The following MYT1L variants were observed in gnomAD, a reference collection of about 807,000 sequenced individuals.
MYT1L encodes the protein myelin transcription factor 1-like protein.
Under a neutral mutation model 126.7 loss-of-function variants are expected in MYT1L, and 12 were observed. The ratio of observed to expected loss-of-function variants is 0.09; its 90% CI spans 0.06 to 0.15. The LOEUF is 0.15. Ranked by LOEUF, MYT1L falls within the 10% of genes least tolerant of loss-of-function variation. The probability of loss-of-function intolerance (pLI) is 1.00; values close to 1 mark genes in which losing one functional copy is unlikely to be tolerated. For synonymous variants in MYT1L, 541 were observed against 604.2 expected, an observed-to-expected ratio of 0.90 and a Z score of 1.53; for missense variants, 979 against 1,585.2, an observed-to-expected ratio of 0.62 and a Z score of 6.49.
chr2:1,836,571 GC>G (rs2040924504), intron 21 of MYT1L, among the ~76,000 whole-genome samples: 1 of 143,918 alleles, frequency 6.9e-6, no homozygotes, highest in Non-Finnish European at 1.5e-5. Context: ...AATTCTATCA[GC>G]CCGCCCCCAA....
intron 8 of MYT1L, among the ~76,000 whole-genome samples, chr2:1,948,099 C>A (rs1159187386): frequency 1.3e-5 from 2 of 152,196 alleles, no homozygotes; most frequent in African/African-American, 4.8e-5. Flanking sequence ...ATTCCCTTCC[C>A]GTGGTGGGAA....
chr2:2,103,602 A>C (rs1402976962), intron 3 of MYT1L, among the ~76,000 whole-genome samples: 3 of 152,078 alleles, frequency 2.0e-5, no homozygotes, highest in Non-Finnish European at 4.4e-5. Context: ...CCAGCATCCC[A>C]GCACAGCCCT....
intron 19 of MYT1L, among the ~76,000 whole-genome samples, chr2:1,851,080 C>T (rs1433700837): frequency 6.6e-6 from 1 of 152,130 alleles, no homozygotes; most frequent in Non-Finnish European, 1.5e-5. Flanking sequence ...CCAGTAGTTA[C>T]TGAATGTCAA....
chr2:1,906,534 C>T (rs1208977169), intron 13 of MYT1L, among the ~76,000 whole-genome samples: 1 of 151,998 alleles, frequency 6.6e-6, no homozygotes, highest in Non-Finnish European at 1.5e-5. Flanking sequence ...AGACTGATAG[C>T]CATATCTATA....
chr2:1,878,464 T>C (rs1336835676), intron 18 of MYT1L, among the ~76,000 whole-genome samples: 1 of 152,246 alleles, frequency 6.6e-6, no homozygotes, highest in African/African-American at 2.4e-5. Context: ...AGAATTAAGA[T>C]AATTTCTCTT....
chr2:2,024,576 T>A (rs1167486927), intron 4 of MYT1L, among the ~76,000 whole-genome samples: 1 of 152,212 alleles, frequency 6.6e-6, no homozygotes, highest in African/African-American at 2.4e-5. Flanking sequence ...TGTAGGAATT[T>A]AACTTCTACC....
At chr2:1,969,573 G>A (rs900417927) in intron 8 of MYT1L, among the ~76,000 whole-genome samples, 3 of 152,188 alleles carry the variant, frequency 2.0e-5, no homozygotes, top group South Asian at 2.1e-4. Flanking sequence ...GGGGAACCCC[G>A]GCTCTAGGAA....
intron 15 of MYT1L, 138 bp downstream of exon 15, chr2:1,891,899 C>T: frequency 7.2e-7 from 1 of 1,392,032 alleles, no homozygotes. Context: ...TAATTGTTCA[C>T]AGTGGCGAGA....
intron 21 of MYT1L, among the ~76,000 whole-genome samples, chr2:1,836,666 T>G (rs1236659226): frequency 2.1e-5 from 3 of 145,570 alleles, no homozygotes; most frequent in Non-Finnish European, 3.0e-5. Context: ...CATCAGCCTG[T>G]ACCCCAAGAT....
chr2:2,207,637 C>T (rs2148877523), intron 2 of MYT1L, among the ~76,000 whole-genome samples: 1 of 152,310 alleles, frequency 6.6e-6, no homozygotes, highest in Admixed American at 6.5e-5. Context: ...TGATAACTAA[C>T]TGTTGACAAT....
chr2:1,966,487 G>A (rs771685924), intron 8 of MYT1L, among the ~76,000 whole-genome samples: 1 of 152,134 alleles, frequency 6.6e-6, no homozygotes, highest in Admixed American at 6.5e-5. Flanking sequence ...CCTGGAGAGA[G>A]GCTCTTCTGG....
chr2:2,044,006 G>C (rs74420703), intron 4 of MYT1L, among the ~76,000 whole-genome samples: 8,183 of 152,172 alleles, frequency 0.054, 292 homozygotes, highest in East Asian at 0.2. Context: ...AGTAAGGAGA[G>C]AGTTCAAAAG....
At chr2:1,976,603 C>T (rs2060205031) in intron 8 of MYT1L, among the ~76,000 whole-genome samples, 1 of 152,156 alleles carries the variant, frequency 6.6e-6, no homozygotes, top group African/African-American at 2.4e-5. Flanking sequence ...GATTGTGCCA[C>T]TGCACTCCAG....
At chr2:2,078,854 C>A (rs1254432800) in intron 3 of MYT1L, among the ~76,000 whole-genome samples, 3 of 152,164 alleles carry the variant, frequency 2.0e-5, no homozygotes, top group African/African-American at 4.8e-5. Context: ...CATATGAATT[C>A]TATGATTTAA....
intron 1 of MYT1L, among the ~76,000 whole-genome samples, chr2:2,311,212 G>A (rs1283364848): frequency 6.6e-6 from 1 of 152,168 alleles, no homozygotes; most frequent in Non-Finnish European, 1.5e-5. Flanking sequence ...CAGAAAAGGA[G>A]GCTGATGTCA....
chr2:2,037,787 CCAAAAAAA>C (rs1392046954), intron 4 of MYT1L, among the ~76,000 whole-genome samples: 4 of 147,860 alleles, frequency 2.7e-5, no homozygotes, highest in Non-Finnish European at 4.5e-5. Flanking sequence ...CAAAACCCCC[CCAAAAAAA>C]CAAAAAAACA....
rs568624959 is a variant in MYT1L, at chr2:2,158,991, T to C, written c.-304+13881A>G. 3.8e-4 allele frequency among the ~76,000 whole-genome samples: 58 copies of C among 152,324 alleles called. 2 individuals carry two copies. In the South Asian group the frequency reaches 0.011, roughly 30 times the overall value. On this transcript the variant is annotated intron_variant, in intron 3 of 24. Transcript: ENST00000647738. ...CTCAGGATCGGTGTTACAGCACATATGCAGCACTTGTAGGAGAAGAAGTCT... is the reference window on the plus strand; with the variant it reads ...CTCAGGATCGGTGTTACAGCACATACGCAGCACTTGTAGGAGAAGAAGTCT...
At chr2:1,892,352 G>A in intron 14 of MYT1L, 65 bp from the exon 15 acceptor site, 3 of 1,507,488 alleles carry the variant, frequency 2.0e-6, no homozygotes, top group Admixed American at 2.0e-5. Flanking sequence ...ACAGCACACG[G>A]CAGGGCCTGC....
intron 3 of MYT1L, among the ~76,000 whole-genome samples, chr2:2,136,355 C>G (rs1261473095): frequency 6.6e-6 from 1 of 152,176 alleles, no homozygotes; most frequent in Non-Finnish European, 1.5e-5. Context: ...AATTCTTCCG[C>G]TCCTCACCGA....
Sources: gnomAD v4.1 joint callset for allele counts (sites outside exome capture counted in the v4.1 genomes callset) on GRCh38, gnomAD v4.1.1 for gene constraint, MANE v1.5 for transcripts, NCBI Gene and HGNC (gene_info 2026-07-23, HGNC 2026-07-21) for gene names.